Variants in EDDM13 observed in about 807,000 individuals in gnomAD.
EDDM13 encodes the protein epididymal protein 13.
In EDDM13, 24 loss-of-function variants were observed where a neutral mutation model predicts 17.8. The ratio of observed to expected loss-of-function variants is 1.35; its 90% confidence interval spans 0.98 to 1.90. EDDM13 has a LOEUF of 1.90. Among genes scored for constraint, EDDM13 ranks in the 40% most tolerant of loss-of-function variants. EDDM13 has a pLI of 0.00. For missense variants in EDDM13, 97 were observed against 100.8 expected (o/e 0.96, Z 0.16); for synonymous variants, 31 against 37.5 (o/e 0.83, Z 0.63).
At chr19:56,304,707 G>A in intron 13 of EDDM13, 86 bp from the exon 14 acceptor site, 1 of 772,262 alleles carries the variant, frequency 1.3e-6, no homozygotes, top group African/African-American at 1.9e-5. Flanking sequence ...AGAGGGGGAT[G>A]GGGAGAAAGG....
rs11374260 is a variant in EDDM13 at position 56,284,513 on chromosome 19, A to ATTTTTTT, written c.127+322_127+328dup. On this transcript the variant is annotated intron_variant, in intron 5 of 14. Coordinates refer to ENST00000649256, the MANE Select transcript of EDDM13 (RefSeq NM_001354658.2). ...TTAGAGACAAGTGATGCTTGCTGTA[A>ATTTTTTT]TTTTTTTTTTTTTTTTTTTTTGAGA... Among the ~76,000 whole-genome samples the ATTTTTTT allele has an allele frequency of 7.6e-5, 9 of 118,330 alleles. No individual in the cohort carries two copies. In the South Asian group the frequency reaches 1.5e-3, roughly 20 times the overall value. The allele number at this position is 118,330 out of a possible 152,430, so 77.6% of individuals were successfully genotyped here. A position where few individuals can be genotyped will look rare whatever the true frequency, so the allele number is the denominator to read the frequency against.
chr19:56,298,365 C>A (rs569041008), intron 12 of EDDM13: 1 of 152,010 alleles, frequency 6.6e-6, no homozygotes, highest in Admixed American at 6.6e-5. Flanking sequence ...GGGCTGGGCG[C>A]GGTGGCTCAC....
chr19:56,306,321 C>G (rs1338053162), intron 14 of EDDM13, among the ~76,000 whole-genome samples: 2 of 123,310 alleles, frequency 1.6e-5, no homozygotes, highest in Non-Finnish European at 3.6e-5. Flanking sequence ...GTACTAAGGA[C>G]AGATGGGAGA....
intron 9 of EDDM13, among the ~76,000 whole-genome samples, chr19:56,291,572 G>A (rs560496185): frequency 3.6e-4 from 54 of 152,070 alleles, no homozygotes; most frequent in Non-Finnish European, 5.7e-4. Context: ...TTCCTCCACT[G>A]CTGCCCAACA....
intron 5 of EDDM13, 74 bp downstream of exon 5, chr19:56,284,280 T>C: frequency 1.9e-6 from 1 of 529,858 alleles, no homozygotes; most frequent in Non-Finnish European, 2.4e-6. Flanking sequence ...TGCTCTAGAA[T>C]GTACAACTGG....
chr19:56,298,704 T>C (rs1048646260), intron 12 of EDDM13, among the ~76,000 whole-genome samples: 24 of 151,448 alleles, frequency 1.6e-4, no homozygotes, highest in Non-Finnish European at 3.2e-4. Context: ...AAATGCCACC[T>C]GTAATTAAAT....
intron 2 of EDDM13, among the ~76,000 whole-genome samples, chr19:56,279,122 T>C (rs1444234982): frequency 2.0e-5 from 3 of 152,102 alleles, no homozygotes; most frequent in African/African-American, 7.2e-5. Context: ...AGAATAAACG[T>C]CTTACTGCTA....
intron 13 of EDDM13, chr19:56,302,788 A>G: frequency 2.5e-6 from 1 of 397,912 alleles, no homozygotes; most frequent in Non-Finnish European, 4.4e-6. Flanking sequence ...CTCCTTTGAA[A>G]TACTGTCACT....
chr19:56,284,262 T>G (rs1014061170), intron 5 of EDDM13, 56 bp downstream of exon 5: 1 of 844,264 alleles, frequency 1.2e-6, no homozygotes. Context: ...GCGGGAAATT[T>G]TGGGCTTTGC....
chr19:56,308,967 C>A (rs1302947300), intron 14 of EDDM13, among the ~76,000 whole-genome samples: 1 of 152,198 alleles, frequency 6.6e-6, no homozygotes, highest in Non-Finnish European at 1.5e-5. Context: ...CCAAATATTA[C>A]GTGTTGGCTT....
chr19:56,274,353 C>A (rs1228091171), intron 1 of EDDM13, among the ~76,000 whole-genome samples: 1 of 151,792 alleles, frequency 6.6e-6, no homozygotes, highest in Non-Finnish European at 1.5e-5. Context: ...ACTCAGGAAG[C>A]TGAGGCAGGA....
intron 2 of EDDM13, among the ~76,000 whole-genome samples, chr19:56,278,172 A>C (rs570574125): frequency 6.6e-6 from 1 of 151,742 alleles, no homozygotes; most frequent in South Asian, 2.1e-4. Context: ...CCCAGGCTGG[A>C]ATACAGTGGC....
chr19:56,273,073 G>C (rs1291611144), intron 1 of EDDM13, among the ~76,000 whole-genome samples, 154 bp downstream of exon 1: 1 of 152,128 alleles, frequency 6.6e-6, no homozygotes, highest in Non-Finnish European at 1.5e-5. Context: ...GGACACAGTG[G>C]GGTGAATGAG....
chr19:56,288,199 T>A (rs1035720062), intron 6 of EDDM13, among the ~76,000 whole-genome samples, 186 bp from the exon 7 acceptor site: 3 of 152,040 alleles, frequency 2.0e-5, no homozygotes, highest in Non-Finnish European at 4.4e-5. Flanking sequence ...CTCCAGATAC[T>A]CTCCAGCCAC....
intron 7 of EDDM13, among the ~76,000 whole-genome samples, 103 bp downstream of exon 7, chr19:56,288,541 TTCTC>T (rs1173824507): frequency 1.3e-5 from 2 of 152,200 alleles, no homozygotes; most frequent in Non-Finnish European, 2.9e-5. Context: ...TGCTGTCTGC[TTCTC>T]TCTGACTAGT....
intron 2 of EDDM13, among the ~76,000 whole-genome samples, chr19:56,280,305 A>G (rs540641579): frequency 4.5e-4 from 68 of 152,282 alleles, no homozygotes; most frequent in African/African-American, 1.6e-3. Context: ...TTGGCTGAAT[A>G]ATATTTCTTG....
chr19:56,304,700 G>C, intron 13 of EDDM13, 93 bp from the exon 14 acceptor site: 1 of 723,308 alleles, frequency 1.4e-6, no homozygotes, highest in South Asian at 6.2e-5. Context: ...AGAAGCGAGA[G>C]GGGGATGGGG....
At position 56,307,279 on chromosome 19, in the gene EDDM13, T is replaced by C. The variant is rs181142805; in HGVS notation, c.461+2449T>C. 3.4e-3 allele frequency among the ~76,000 whole-genome samples: 525 copies of C among 152,286 alleles called. 3 individuals are homozygous for C. Among genetic ancestry groups the C allele is most frequent in the Non-Finnish European group, 3.4e-3 (232 of 68,012 alleles). ...CCAGTGCCCTTTTTACATTAAAAAA[T>C]GTCAACTCGATCATACGATATACCC... is the stretch of plus-strand genomic sequence containing the variant. On this transcript the variant is annotated intron_variant, in intron 14 of 14. Coordinates refer to ENST00000649256, the MANE Select transcript of EDDM13 (RefSeq NM_001354658.2).
intron 13 of EDDM13, among the ~76,000 whole-genome samples, chr19:56,304,388 G>A (rs1270951673): frequency 6.6e-6 from 1 of 152,238 alleles, no homozygotes; most frequent in African/African-American, 2.4e-5. Flanking sequence ...CTGGACCACA[G>A]GATTGGTTGT....
Sources: gnomAD v4.1 joint callset for allele counts (sites outside exome capture counted in the v4.1 genomes callset) on GRCh38, gnomAD v4.1.1 for gene constraint, MANE v1.5 for transcripts, NCBI Gene and HGNC (gene_info 2026-07-23, HGNC 2026-07-21) for gene names.